ROCK2: variants seen among roughly 807,000 people sequenced by gnomAD.
The protein encoded by ROCK2 is Rho associated coiled-coil containing protein kinase 2.
In ROCK2, 61 loss-of-function variants were observed where a neutral mutation model predicts 195.1. The observed-to-expected ratio is 0.31, with a 90% confidence interval of 0.25 to 0.39. ROCK2 has a LOEUF of 0.39. Ranked by LOEUF, ROCK2 falls within the 10% of genes least tolerant of loss-of-function variation. The pLI is 1.00. For missense variants in ROCK2, 1,109 were observed against 1,637.4 expected (o/e 0.68, Z 5.57); for synonymous variants, 504 against 545.5 (o/e 0.92, Z 1.06).
At chr2:11,283,879 A>C (rs934058607) in intron 3 of ROCK2, among the ~76,000 whole-genome samples, 1 of 152,218 alleles carries the variant, frequency 6.6e-6, no homozygotes, top group African/African-American at 2.4e-5. Context: ...ATACACTCTT[A>C]TCCTATGATC....
intron 4 of ROCK2, among the ~76,000 whole-genome samples, chr2:11,246,124 A>C (rs538304049): frequency 6.6e-5 from 10 of 152,324 alleles, no homozygotes; most frequent in African/African-American, 2.2e-4. Context: ...AGATAACCAG[A>C]CATTAGTCTT....
Position 11,215,443 on chromosome 2 carries a change from T to C in ROCK2, c.1598-31A>G, listed in dbSNP as rs1664391840. 3.1e-6 allele frequency: 5 copies of C among 1,603,580 alleles called. No homozygotes were observed. The South Asian group carries it at 5.6e-5, about 18-fold the overall frequency. ...ATAAAAAGCATTTCAGTGGCAAGCT[T>C]AGCATAACACACATACACACACTTA... On this transcript the variant is annotated intron_variant, in intron 14 of 32. Transcript: ENST00000315872.
chr2:11,255,963 T>C (rs974739250), intron 3 of ROCK2, among the ~76,000 whole-genome samples: 2 of 129,372 alleles, frequency 1.5e-5, no homozygotes, highest in Non-Finnish European at 3.2e-5. Flanking sequence ...AAGGAAACTA[T>C]ATGGAAGTCA....
chr2:11,269,674 C>G (rs1319142133), intron 3 of ROCK2, among the ~76,000 whole-genome samples: 1 of 152,122 alleles, frequency 6.6e-6, no homozygotes, highest in African/African-American at 2.4e-5. Context: ...GATTGTTGTC[C>G]AGGTAACGAA....
Position 11,201,947 on chromosome 2 carries a change from A to C in ROCK2, c.2619+105T>G. 1 of 826,998 alleles carries C rather than the reference A, an allele frequency of 1.2e-6. No individual in the cohort carries two copies. Among genetic ancestry groups the C allele is most frequent in the Non-Finnish European group, 2.1e-6 (1 of 485,346 alleles). 51.2% of individuals were successfully genotyped at this position (826,998 alleles called of 1,614,324 possible). A position where few individuals can be genotyped will look rare whatever the true frequency, so the allele number is the denominator to read the frequency against. On this transcript the variant is annotated intron_variant, in intron 21 of 32. Coordinates refer to ENST00000315872, the MANE Select transcript of ROCK2 (RefSeq NM_004850.5). This position sits in a 1 kb window ranked among gnomAD's most constrained non-coding sequence, Gnocchi z 4.6. The stretch of plus-strand genomic sequence containing the variant: ...AATAAATTTCTCTTAAACTATCTAC[A>C]TTCTTTTGCCCAGCTGCTCTTTTTA...
Position 11,235,553 on chromosome 2 carries a change from T to A in ROCK2, c.723+149A>T. On this transcript the variant is annotated intron_variant, in intron 5 of 32. Coordinates refer to ENST00000315872, the MANE Select transcript of ROCK2 (RefSeq NM_004850.5). This position sits in a 1 kb window ranked among gnomAD's most constrained non-coding sequence, Gnocchi z 4.2. ...AAATGTTTTAAGTTGGTTAAGGAAA[T>A]GTTTTAAGTTGGTTATATCTTGTTT... 1.4e-6 allele frequency: 1 copy of A among 709,356 alleles called. No homozygotes were observed. Among genetic ancestry groups the A allele is most frequent in the Non-Finnish European group, 2.3e-6 (1 of 440,012 alleles). 43.9% of individuals were successfully genotyped at this position (709,356 alleles called of 1,614,324 possible).
At chr2:11,254,943 C>T (rs1404839264) in intron 3 of ROCK2, among the ~76,000 whole-genome samples, 12 of 150,070 alleles carry the variant, frequency 8.0e-5, no homozygotes, top group African/African-American at 2.2e-4. Context: ...GGGGGCCGGG[C>T]GCAGTGGCTC....
Position 11,207,863 on chromosome 2 carries a change from G to C in ROCK2, c.2412C>G (p.Cys804Trp). 1 of 1,602,966 alleles carries C rather than the reference G, an allele frequency of 6.2e-7. No individual in the cohort carries two copies. The highest frequency in any genetic ancestry group is 8.5e-7 in the Non-Finnish European group (1 of 1,174,074). Residue 804 changes from cysteine (C) to tryptophan (W), a missense_variant, in exon 20 of 33, where the codon TGC (cysteine) becomes TGG (tryptophan). Transcript: ENST00000315872. Reference sequence around the variant, plus strand: ...GCATCTTCAGGTCATTTTGTGTAAGGCAGCGCTTCTGAGTTTCTTGCTCTA... The same window carrying C: ...GCATCTTCAGGTCATTTTGTGTAAGCCAGCGCTTCTGAGTTTCTTGCTCTA... ...LKIEQETQKR[C>W]LTQNDLKMQT...
At chr2:11,206,370 A>G (rs1158022758) in intron 20 of ROCK2, among the ~76,000 whole-genome samples, 1 of 152,166 alleles carries the variant, frequency 6.6e-6, no homozygotes, top group Non-Finnish European at 1.5e-5. Context: ...AACCTAGATG[A>G]TTAACTAGCT....
chr2:11,331,014 A>AAGAAGGAGGG (rs1440069653), intron 1 of ROCK2, among the ~76,000 whole-genome samples: 4 of 10,528 alleles, frequency 3.8e-4, no homozygotes, highest in Non-Finnish European at 7.6e-4. Flanking sequence ...AAGGAGCAGA[A>AAGAAGGAGGG]AGAAGGAGGG....
Position 11,266,444 on chromosome 2 carries a change from G to A in ROCK2, c.325-16646C>T, listed in dbSNP as rs551877483. ...TCATTTACCAAAACACCATAATGCTGCGCATGACTGTACTGTGCAATACCT... is the reference window on the plus strand; with the variant it reads ...TCATTTACCAAAACACCATAATGCTACGCATGACTGTACTGTGCAATACCT... On this transcript the variant is annotated intron_variant, in intron 3 of 32. Coordinates refer to ENST00000315872, the MANE Select transcript of ROCK2 (RefSeq NM_004850.5). 9.2e-4 allele frequency among the ~76,000 whole-genome samples: 140 copies of A among 152,284 alleles called. 1 individual carries two copies. Among genetic ancestry groups the A allele is most frequent in the Non-Finnish European group, 1.8e-3 (123 of 68,026 alleles).
chr2:11,263,651 G>GCGCA (rs144994224), intron 3 of ROCK2, among the ~76,000 whole-genome samples: 2 of 144,098 alleles, frequency 1.4e-5, no homozygotes, highest in South Asian at 4.4e-4. Context: ...ATAGCACAAG[G>GCGCA]CACACACACA....
intron 6 of ROCK2, among the ~76,000 whole-genome samples, chr2:11,225,099 G>T (rs1469160849): frequency 3.9e-5 from 6 of 152,172 alleles, no homozygotes; most frequent in African/African-American, 1.2e-4. Flanking sequence ...GGCCCAGAGA[G>T]ACAGACTGTG....
At chr2:11,325,974 G>T (rs1668538382) in intron 1 of ROCK2, among the ~76,000 whole-genome samples, 1 of 152,168 alleles carries the variant, frequency 6.6e-6, no homozygotes, top group Non-Finnish European at 1.5e-5. Flanking sequence ...AAGCTAAATG[G>T]ATAGTGGAAA....
intron 1 of ROCK2, among the ~76,000 whole-genome samples, chr2:11,343,473 A>G (rs1669173429): frequency 6.6e-6 from 1 of 152,196 alleles, no homozygotes; most frequent in African/African-American, 2.4e-5. Flanking sequence ...CAAGTATGGA[A>G]TGCTCAAACG....
At chr2:11,308,084 C>T (rs575933386) in intron 1 of ROCK2, 13 of 1,609,362 alleles carry the variant, frequency 8.1e-6, no homozygotes, top group East Asian at 2.2e-5. Context: ...GGAGAGGCGC[C>T]GACTGCGACT....
At chr2:11,194,392 CCTT>C (rs755796496) in intron 28 of ROCK2, 48 bp from the exon 29 acceptor site, 1 of 699,738 alleles carries the variant, frequency 1.4e-6, no homozygotes, top group Non-Finnish European at 2.3e-6. Context: ...TTTTTATATA[CCTT>C]ATTTATTGAT....
chr2:11,321,454 C>T (rs1668397133), intron 1 of ROCK2, among the ~76,000 whole-genome samples: 1 of 151,348 alleles, frequency 6.6e-6, no homozygotes, highest in Admixed American at 6.6e-5. Flanking sequence ...GGATTACAGG[C>T]GTGGCCACTG....
intron 1 of ROCK2, among the ~76,000 whole-genome samples, chr2:11,317,612 A>ATATTTTTTTTTTT (rs59701503): frequency 1.0e-4 from 2 of 19,316 alleles, no homozygotes; most frequent in African/African-American, 3.2e-4. Flanking sequence ...ATATATATAT[A>ATATTTTTTTTTTT]TTTTTTTTTT....
Sources: allele counts gnomAD v4.1 joint callset (sites outside exome capture counted in the v4.1 genomes callset), GRCh38; gene constraint gnomAD v4.1.1; non-coding constraint Gnocchi (gnomAD v3.1); transcripts MANE v1.5; gene names NCBI Gene and HGNC (gene_info 2026-07-23, HGNC 2026-07-21).